The following YLPM1 variants were observed in gnomAD, a reference collection of about 807,000 sequenced individuals.
YLPM1 encodes YLP motif containing 1.
YLPM1 carries 99 observed loss-of-function variants against 230.0 expected under a neutral mutation model. The ratio of observed to expected loss-of-function variants is 0.43; its 90% CI spans 0.37 to 0.51. The LOEUF (loss-of-function observed/expected upper bound fraction) is 0.51, where lower values mean the gene tolerates loss of function less well. Ranked by LOEUF, YLPM1 falls within the 20% of genes least tolerant of loss-of-function variation. YLPM1 has a pLI of 0.00. For missense variants in YLPM1, 2,592 were observed against 2,707.7 expected (o/e 0.96, Z 0.95); for synonymous variants, 984 against 942.5 (o/e 1.04, Z -0.81).
intron 1 of YLPM1, among the ~76,000 whole-genome samples, chr14:74,774,082 G>T (rs969637213): frequency 2.6e-5 from 4 of 151,938 alleles, no homozygotes; most frequent in African/African-American, 9.7e-5. Flanking sequence ...TTACAGTGGG[G>T]TTACATCTCA....
chr14:74,786,515 A>G (rs911058958), intron 4 of YLPM1, among the ~76,000 whole-genome samples: 4 of 152,060 alleles, frequency 2.6e-5, no homozygotes, highest in African/African-American at 7.2e-5. Flanking sequence ...AGTTTTGCCT[A>G]TTTTTGAACT....
chr14:74,816,732 T>C (rs892387789), intron 13 of YLPM1, 42 bp downstream of exon 13: 4 of 1,562,820 alleles, frequency 2.6e-6, no homozygotes, highest in Non-Finnish European at 3.5e-6. Context: ...TCATTAATAG[T>C]ATTTAAAGGA....
intron 1 of YLPM1, among the ~76,000 whole-genome samples, chr14:74,767,072 C>T (rs1304062295): frequency 2.0e-5 from 3 of 151,700 alleles, no homozygotes; most frequent in African/African-American, 7.3e-5. Flanking sequence ...TTAGTAGAGA[C>T]GGGGTTTCAC....
intron 18 of YLPM1, 66 bp from the exon 19 acceptor site, chr14:74,829,147 C>CTG (rs1027384085): frequency 3.2e-6 from 5 of 1,584,750 alleles, no homozygotes; most frequent in Non-Finnish European, 4.3e-6. Flanking sequence ...TTCTTTTCCC[C>CTG]TGTGTGTGTG....
At chr14:74,773,335 T>C (rs1268922284) in intron 1 of YLPM1, among the ~76,000 whole-genome samples, 1 of 151,870 alleles carries the variant, frequency 6.6e-6, no homozygotes, top group South Asian at 2.1e-4. Flanking sequence ...TGTCAGTGAA[T>C]CAACAAGTAC....
At chr14:74,830,774 A>G (rs1399486651) in intron 19 of YLPM1, among the ~76,000 whole-genome samples, 2 of 152,164 alleles carry the variant, frequency 1.3e-5, no homozygotes, top group Non-Finnish European at 2.9e-5. Context: ...AGGGGGTCCC[A>G]ACTCCTTTTA....
At chr14:74,822,921 T>C (rs921300198) in intron 17 of YLPM1, among the ~76,000 whole-genome samples, 2 of 152,132 alleles carry the variant, frequency 1.3e-5, no homozygotes, top group African/African-American at 4.8e-5. Flanking sequence ...AGATAAAATT[T>C]ATAAATATAT....
chr14:74,808,381 C>T (rs2091399282), intron 6 of YLPM1, among the ~76,000 whole-genome samples: 2 of 152,056 alleles, frequency 1.3e-5, no homozygotes, highest in Admixed American at 1.3e-4. Flanking sequence ...TAACCATTCA[C>T]CAGTTGTTGG....
In YLPM1 at chr14:74,809,458, A is replaced by G. The variant is rs750671336; in HGVS notation, c.4600A>G (p.Arg1534Gly). The G allele has an allele frequency of 1.9e-6, 3 of 1,598,058 alleles. No individual in the cohort carries two copies. Among genetic ancestry groups the G allele is most frequent in the Non-Finnish European group, 2.6e-6 (3 of 1,171,478 alleles). The change falls in exon 7 of 21, where the codon AGA (arginine) becomes GGA (glycine). Residue 1534 changes from arginine to glycine, a missense_variant. Physicochemically the swap from Arg to Gly is moderately radical, Grantham distance 125 (BLOSUM62 -2). Around this residue, in one of 4 missense-constraint regions of YLPM1, gnomAD observed 403 missense variants for 426.7 expected, o/e 0.94. Coordinates refer to ENST00000325680, the MANE Select transcript of YLPM1 (RefSeq NM_019589.3). ...SIVRPSAPPARSSVPVTRPPV... is the reference protein window; with the variant it reads ...SIVRPSAPPAGSSVPVTRPPV... ...TGTAAGACCCTCTGCTCCACCAGCA[A>G]GATCATCTGTTCCTGTGACCAGGCC...
At chr14:74,764,487 T>A (rs2090891670) in intron 1 of YLPM1, 125 bp downstream of exon 1, 1 of 1,264,996 alleles carries the variant, frequency 7.9e-7, no homozygotes, top group Admixed American at 2.9e-5. Context: ...TCCAAAGGAT[T>A]CCGTAAGAGT....
In YLPM1 at chr14:74,782,261, A is replaced by G; in HGVS notation, c.2218A>G (p.Arg740Gly). The G allele has an allele frequency of 6.3e-7, 1 of 1,586,266 alleles. No individual in the cohort carries two copies. The highest frequency in any genetic ancestry group is 8.5e-7 in the Non-Finnish European group (1 of 1,173,952). The change falls in exon 4 of 21, where the codon AGA (arginine) becomes GGA (glycine). Residue 740 changes from arginine (R) to glycine (G), a missense_variant. Around this residue, in one of 4 missense-constraint regions of YLPM1, gnomAD observed 1,862 missense variants for 1,819.8 expected, o/e 1.02. Transcript: ENST00000325680. ...CACTGCAGTGAAGGACATGCCAGTG[A>G]GATCAGGTGGCCTGCTTCCAGATCC... ...PITAVKDMPVRSGGLLPDPPR... is the reference protein window; with the variant it reads ...PITAVKDMPVGSGGLLPDPPR...
At chr14:74,830,496 A>G (rs1318530205) in intron 19 of YLPM1, among the ~76,000 whole-genome samples, 2 of 152,178 alleles carry the variant, frequency 1.3e-5, no homozygotes, top group Non-Finnish European at 2.9e-5. Flanking sequence ...CATTCTTTTT[A>G]AAGGGCTACT....
rs138495479 is a variant in YLPM1 at position 74,811,843 on chromosome 14, C to G, written c.5347+105C>G. ...AAACTTTTAGAGTAAAACGTATTCA[C>G]AGATTTCTTAGAGCTGGTGGCATTG... On this transcript the variant is annotated intron_variant, in intron 10 of 20. Transcript: ENST00000325680. The G allele has an allele frequency of 1.3e-3, 955 of 733,066 alleles. 4 individuals carry two copies. The highest frequency in any genetic ancestry group is 2.5e-3 in the Middle Eastern group (10 of 3,930). The allele number at this position is 733,066 out of a possible 1,614,324, so 45.4% of individuals were successfully genotyped here. A position where few individuals can be genotyped will look rare whatever the true frequency, so the allele number is the denominator to read the frequency against.
intron 4 of YLPM1, among the ~76,000 whole-genome samples, chr14:74,795,211 C>A (rs1413896076): frequency 6.6e-6 from 1 of 152,182 alleles, no homozygotes; most frequent in Non-Finnish European, 1.5e-5. Flanking sequence ...AATACAGTAA[C>A]CCTCTCCATT....
chr14:74,831,389 A>G (rs1205685478), intron 19 of YLPM1, among the ~76,000 whole-genome samples: 2 of 152,248 alleles, frequency 1.3e-5, no homozygotes, highest in Non-Finnish European at 2.9e-5. Context: ...AGGACTGCTT[A>G]TAGTGATACC....
At chr14:74,828,053 T>C in intron 18 of YLPM1, 1 of 956,750 alleles carries the variant, frequency 1.0e-6, no homozygotes, top group Non-Finnish European at 1.2e-6. Context: ...CAAAAAACTT[T>C]GCCAAGAATG....
intron 1 of YLPM1, 136 bp from the exon 2 acceptor site, chr14:74,778,311 G>T: frequency 1.4e-6 from 1 of 707,826 alleles, no homozygotes; most frequent in Non-Finnish European, 2.3e-6. Flanking sequence ...TAACTTATTT[G>T]TCTTCCTCAG....
At chr14:74,803,505 G>A (rs911897239) in intron 6 of YLPM1, among the ~76,000 whole-genome samples, 16 of 152,112 alleles carry the variant, frequency 1.1e-4, no homozygotes, top group African/African-American at 3.9e-4. Flanking sequence ...TTAACAGTAA[G>A]ACATAGTTGT....
At position 74,799,362 on chromosome 14, in the gene YLPM1, A is replaced by T; in HGVS notation, c.4065A>T (p.Arg1355Ser). The change falls in exon 5 of 21, where the codon AGA becomes AGT. Residue 1355 changes from arginine to serine, a missense_variant. This residue lies in a region of YLPM1 where 1,862 missense variants were observed against 1,819.8 expected (regional missense o/e 1.02). Transcript: ENST00000325680. ...RYRDDRWREE[R>S]NREHGYDRDF... ...GGGATGATAGATGGAGAGAAGAAAG[A>T]AATCGAGAGCATGGGTATGATCGAG... 1 of 1,614,040 alleles carries T rather than the reference A, an allele frequency of 6.2e-7. No individual in the cohort carries two copies. The highest frequency in any genetic ancestry group is 8.5e-7 in the Non-Finnish European group (1 of 1,179,898).
Sources: gnomAD v4.1 joint callset for allele counts (sites outside exome capture counted in the v4.1 genomes callset) on GRCh38, gnomAD v4.1.1 for gene constraint, gnomAD v4.1.1 regional missense constraint, MANE v1.5 for transcripts, NCBI Gene and HGNC (gene_info 2026-07-23, HGNC 2026-07-21) for gene names.